Variants in PDE6A observed in about 807,000 individuals in gnomAD.
PDE6A encodes the protein rod cGMP-specific 3',5'-cyclic phosphodiesterase subunit alpha.
In PDE6A, 84 loss-of-function variants were observed where a neutral mutation model predicts 106.3. The observed-to-expected ratio is 0.79, with a 90% CI of 0.66 to 0.95. PDE6A has a LOEUF of 0.95. Ranked by LOEUF, PDE6A falls within the 40% of genes least tolerant of loss-of-function variation. PDE6A has a pLI of 0.00. For missense variants in PDE6A, 1,052 were observed against 1,084.9 expected (o/e 0.97, Z 0.43); for synonymous variants, 394 against 386.6 (o/e 1.02, Z -0.23).
At chr5:149,937,074 G>C (rs1313199992) in intron 1 of PDE6A, among the ~76,000 whole-genome samples, 3 of 152,232 alleles carry the variant, frequency 2.0e-5, no homozygotes, top group African/African-American at 7.2e-5. Flanking sequence ...TGGTGCTGTA[G>C]AGAGTGATGA....
intron 1 of PDE6A, among the ~76,000 whole-genome samples, chr5:149,940,717 C>G (rs1444047138): frequency 6.6e-6 from 1 of 152,054 alleles, no homozygotes; most frequent in African/African-American, 2.4e-5. Context: ...AGGCTGGTTT[C>G]AAATTCCTGA....
At chr5:149,868,855 T>G (rs1037389176) in intron 17 of PDE6A, among the ~76,000 whole-genome samples, 1 of 152,190 alleles carries the variant, frequency 6.6e-6, no homozygotes, top group African/African-American at 2.4e-5. Context: ...TTTCTATCAG[T>G]CAGTTAGCTT....
chr5:149,930,142 A>T (rs971702483), intron 4 of PDE6A, among the ~76,000 whole-genome samples: 4 of 152,238 alleles, frequency 2.6e-5, no homozygotes, highest in African/African-American at 9.6e-5. Context: ...TAAGTAAAAA[A>T]TGGCAGACTA....
In PDE6A at chr5:149,893,284, T is replaced by A. The variant is rs569130955; in HGVS notation, c.1728+1899A>T. 5.3e-5 allele frequency among the ~76,000 whole-genome samples: 8 copies of A among 152,298 alleles called. No homozygotes were observed. The East Asian group carries it at 1.4e-3, about 26-fold the overall frequency. ...GGGCCTTGAGTCTTGGATCTACATCTCTCAATTCAAAAGGTCCCTCCAGAT... is the reference window on the plus strand; with the variant it reads ...GGGCCTTGAGTCTTGGATCTACATCACTCAATTCAAAAGGTCCCTCCAGAT... On this transcript the variant is annotated intron_variant, in intron 13 of 21. Coordinates refer to ENST00000255266, the MANE Select transcript of PDE6A (RefSeq NM_000440.3).
rs554735136 is a variant in PDE6A at position 149,858,619 on chromosome 5, G to C, written c.*2276C>G. ...ATGAGACCCCATGTCTACAAAGATAGGTTTTAAAAAATTAGCTGGGCATGG... is the reference window on the plus strand; with the variant it reads ...ATGAGACCCCATGTCTACAAAGATACGTTTTAAAAAATTAGCTGGGCATGG... On this transcript the variant is annotated 3_prime_UTR_variant, in exon 22 of 22. Transcript: ENST00000255266. 1.4e-4 allele frequency: 22 copies of C among 152,140 alleles called. No homozygotes were observed. The highest frequency in any genetic ancestry group is 5.3e-4 in the African/African-American group (22 of 41,506). The allele number at this position is 152,140 out of a possible 1,614,324, so 9.4% of individuals were successfully genotyped here. A position where few individuals can be genotyped will look rare whatever the true frequency, so the allele number is the denominator to read the frequency against.
chr5:149,919,987 G>T lies in PDE6A; in HGVS notation c.933+1648C>A, dbSNP rs367734054. 5.3e-5 allele frequency among the ~76,000 whole-genome samples: 8 copies of T among 152,094 alleles called. No homozygotes were observed. In the South Asian group the frequency reaches 1.5e-3, roughly 28 times the overall value. On this transcript the variant is annotated intron_variant, in intron 5 of 21. Transcript: ENST00000255266. ...AAAGCTGTGTTTCCAAGTGAATGTG[G>T]CAGATAAAGCGTGAGAGGGATGTTA...
chr5:149,886,383 G>T lies in PDE6A; in HGVS notation c.1729-9C>A. On this transcript the variant is annotated splice_polypyrimidine_tract_variant and intron_variant, in intron 13 of 21. Transcript: ENST00000255266. Reference sequence around the variant, plus strand: ...CGCTTCAGCTTTCCCGTCTGGAAGGGCAATCAGAGTGCAAATCATTCCTTT... The same window carrying T: ...CGCTTCAGCTTTCCCGTCTGGAAGGTCAATCAGAGTGCAAATCATTCCTTT... The T allele has an allele frequency of 6.2e-7, 1 of 1,603,362 alleles. No homozygotes were observed. Among genetic ancestry groups the T allele is most frequent in the Non-Finnish European group, 8.5e-7 (1 of 1,170,226 alleles).
intron 13 of PDE6A, 47 bp from the exon 14 acceptor site, chr5:149,886,421 G>A (rs1351942418): frequency 1.4e-6 from 2 of 1,439,174 alleles, no homozygotes; most frequent in Non-Finnish European, 2.0e-6. Context: ...TGTAGGGGCT[G>A]GAAGCAGGGC....
intron 3 of PDE6A, chr5:149,932,098 TCTC>T (rs1754050422): frequency 1.5e-6 from 2 of 1,336,298 alleles, no homozygotes. Context: ...CGTTCTTTGT[TCTC>T]CTCGTCCGGA....
Position 149,859,379 on chromosome 5 carries a change from G to A in PDE6A, c.*1516C>T, listed in dbSNP as rs1256454532. Reference sequence around the variant, plus strand: ...ATGAAGGAAGGTTGATTAAGGGCTGGCATCACAAGTTGGGTGTCCCAGAAA... The same window carrying A: ...ATGAAGGAAGGTTGATTAAGGGCTGACATCACAAGTTGGGTGTCCCAGAAA... On this transcript the variant is annotated 3_prime_UTR_variant, in exon 22 of 22. Coordinates refer to ENST00000255266, the MANE Select transcript of PDE6A (RefSeq NM_000440.3). 2 of 152,244 alleles carry A rather than the reference G, an allele frequency of 1.3e-5. No homozygotes were observed. The highest frequency in any genetic ancestry group is 2.9e-5 in the Non-Finnish European group (2 of 68,042). The allele number at this position is 152,244 out of a possible 1,614,324, so 9.4% of individuals were successfully genotyped here.
intron 5 of PDE6A, among the ~76,000 whole-genome samples, chr5:149,918,734 C>T (rs1326056419): frequency 1.3e-5 from 2 of 152,094 alleles, no homozygotes; most frequent in Non-Finnish European, 2.9e-5. Context: ...ATCTTAGCCT[C>T]CCAAGTAACT....
intron 20 of PDE6A, among the ~76,000 whole-genome samples, chr5:149,864,795 A>G (rs747541765): frequency 1.8e-4 from 27 of 152,228 alleles, no homozygotes; most frequent in Non-Finnish European, 3.1e-4. Flanking sequence ...GCTCTGCCAC[A>G]AACTGCGATC....
intron 10 of PDE6A, among the ~76,000 whole-genome samples, chr5:149,897,147 A>T (rs1193562809): frequency 6.6e-6 from 1 of 152,288 alleles, no homozygotes; most frequent in Non-Finnish European, 1.5e-5. Context: ...CTTGGCGCAT[A>T]GTAAGCACTA....
intron 2 of PDE6A, among the ~76,000 whole-genome samples, chr5:149,934,310 A>G (rs1332922115): frequency 6.6e-6 from 1 of 152,264 alleles, no homozygotes; most frequent in Non-Finnish European, 1.5e-5. Flanking sequence ...AAGAAAACCA[A>G]AGTTCAAAGA....
chr5:149,892,958 C>T (rs914656004), intron 13 of PDE6A, among the ~76,000 whole-genome samples: 3 of 152,194 alleles, frequency 2.0e-5, no homozygotes, highest in African/African-American at 7.2e-5. Flanking sequence ...TGCTGAAAAA[C>T]AGATTGGCCC....
intron 7 of PDE6A, 23 bp downstream of exon 7, chr5:149,907,289 C>G: frequency 6.4e-7 from 1 of 1,570,076 alleles, no homozygotes; most frequent in Non-Finnish European, 8.8e-7. Context: ...AAAACTCTCC[C>G]CCTTCAAAGT....
At chr5:149,926,929 G>A (rs1753878156) in intron 4 of PDE6A, among the ~76,000 whole-genome samples, 2 of 143,236 alleles carry the variant, frequency 1.4e-5, no homozygotes, top group Admixed American at 7.6e-5. Context: ...AATGAGCTGA[G>A]ATCGTGCCAT....
At chr5:149,912,417 C>T (rs1753416322) in intron 6 of PDE6A, among the ~76,000 whole-genome samples, 1 of 152,186 alleles carries the variant, frequency 6.6e-6, no homozygotes, top group Admixed American at 6.5e-5. Flanking sequence ...GACATTCTGG[C>T]TGTCTATCCT....
In PDE6A at chr5:149,868,112, A is replaced by G. The variant is rs143980724; in HGVS notation, c.2182T>C (p.Trp728Arg). The change falls in exon 18 of 22, where the codon TGG (tryptophan) becomes CGG (arginine). Residue 728 changes from tryptophan to arginine, a missense_variant. By Grantham distance (101) the Trp-to-Arg change is moderately radical (BLOSUM62 -3). Coordinates refer to ENST00000255266, the MANE Select transcript of PDE6A (RefSeq NM_000440.3). ...GTTCATACCTGGCTCTGCACCTCCC[A>G]GGGTTTGGTGATGGCTGAGAGATCA... ...ACDLSAITKP[W>R]EVQSQVALLV... 44 of 1,614,006 alleles carry G rather than the reference A, an allele frequency of 2.7e-5. No individual in the cohort carries two copies. The African/African-American group carries it at 5.7e-4, about 21-fold the overall frequency.
Sources: allele counts gnomAD v4.1 joint callset (sites outside exome capture counted in the v4.1 genomes callset), GRCh38; gene constraint gnomAD v4.1.1; transcripts MANE v1.5; gene names NCBI Gene and HGNC (gene_info 2026-07-23, HGNC 2026-07-21).